Variants in COL4A6 observed in about 807,000 individuals in gnomAD.
The protein encoded by COL4A6 is collagen alpha-6(IV) chain.
Under a neutral mutation model 126.7 loss-of-function variants are expected in COL4A6, and 59 were observed. That is an observed-to-expected ratio of 0.47 (90% CI 0.38 to 0.58). The LOEUF (loss-of-function observed/expected upper bound fraction) is 0.58. Ranked by LOEUF, COL4A6 falls within the 20% of genes least tolerant of loss-of-function variation. The pLI, the probability that COL4A6 is intolerant of heterozygous loss-of-function variation, is 0.00. For synonymous variants in COL4A6, 547 were observed against 496.6 expected, an observed-to-expected ratio of 1.10 and a Z score of -1.35; for missense variants, 1,285 against 1,337.3, an observed-to-expected ratio of 0.96 and a Z score of 0.61.
In COL4A6 at chrX:108,438,156, G is replaced by A. The variant is rs186400576; in HGVS notation, c.11+30C>T. 7.4e-5 allele frequency: 89 copies of A among 1,207,947 alleles called. 1 individual carries two copies. The highest frequency in any genetic ancestry group is 6.9e-4 in the Middle Eastern group (3 of 4,338). ...GCAAAGTAACCCGAAGTAAGAAAGA[G>A]GAGGGGAGCTCGGGGCAGCAACAGC... On this transcript the variant is annotated intron_variant, in intron 1 of 44. Coordinates refer to ENST00000334504, the MANE Select transcript of COL4A6 (RefSeq NM_033641.4).
intron 3 of COL4A6, chrX:108,267,936 C>G (rs929577442): frequency 8.9e-6 from 1 of 112,591 alleles, no homozygotes; most frequent in African/African-American, 3.2e-5. Context: ...TCTTTTTATA[C>G]TCATATTTCA....
intron 2 of COL4A6, among the ~76,000 whole-genome samples, chrX:108,368,979 G>A (rs908839092): frequency 5.4e-5 from 6 of 111,671 alleles, no homozygotes; most frequent in African/African-American, 2.0e-4. Context: ...AAACTTTTTT[G>A]TTTCAGAAGT....
At chrX:108,408,374 AAAGAAAGAAAGC>A (rs2041252665) in intron 2 of COL4A6, among the ~76,000 whole-genome samples, 1 of 111,191 alleles carries the variant, frequency 9.0e-6, no homozygotes, top group Admixed American at 9.6e-5. Flanking sequence ...AGAACGAAAG[AAAGAAAGAAAGC>A]AAGCTAAGTA....
intron 2 of COL4A6, among the ~76,000 whole-genome samples, chrX:108,409,500 A>C (rs2041283764): frequency 9.0e-6 from 1 of 111,692 alleles, no homozygotes; most frequent in African/African-American, 3.3e-5. Context: ...TTATTTTACC[A>C]GTACAAAAAT....
intron 23 of COL4A6, among the ~76,000 whole-genome samples, chrX:108,181,749 T>A (rs1424863928): frequency 8.9e-6 from 1 of 111,897 alleles, no homozygotes; most frequent in African/African-American, 3.3e-5. Context: ...ATAAAAAGAA[T>A]CTATAAGATC....
intron 3 of COL4A6, among the ~76,000 whole-genome samples, chrX:108,244,869 C>G (rs915805687): frequency 8.9e-6 from 1 of 111,829 alleles, no homozygotes; most frequent in Non-Finnish European, 1.9e-5. Context: ...CTAGGCTTGA[C>G]CCAAGGAAAA....
intron 5 of COL4A6, among the ~76,000 whole-genome samples, chrX:108,218,567 T>A (rs956850880): frequency 1.8e-5 from 2 of 112,263 alleles, no homozygotes; most frequent in African/African-American, 6.5e-5. Flanking sequence ...ATGAATCAGA[T>A]GATACTATCT....
intron 2 of COL4A6, among the ~76,000 whole-genome samples, chrX:108,402,327 T>C (rs2041105813): frequency 8.9e-6 from 1 of 111,818 alleles, no homozygotes; most frequent in South Asian, 3.6e-4. Flanking sequence ...TCTTATCATA[T>C]TTTCAATATC....
chrX:108,308,293 T>A (rs763806505), intron 3 of COL4A6, among the ~76,000 whole-genome samples: 43 of 111,720 alleles, frequency 3.8e-4, no homozygotes, highest in African/African-American at 1.4e-3. Context: ...CATGTTTGCC[T>A]GGTGTAGGAC....
chrX:108,165,547 C>G, intron 37 of COL4A6, 61 bp from the exon 38 acceptor site: 1 of 825,049 alleles, frequency 1.2e-6, no homozygotes, highest in Non-Finnish European at 1.7e-6. Context: ...TGGCCAGGCT[C>G]TTTCAGAGAA....
chrX:108,173,934 C>T (rs899202562), intron 31 of COL4A6, among the ~76,000 whole-genome samples: 1 of 112,479 alleles, frequency 8.9e-6, no homozygotes, highest in African/African-American at 3.2e-5. Context: ...ACCTTTCTAG[C>T]AAAACGTCAA....
At chrX:108,336,042 T>C (rs969581604) in intron 2 of COL4A6, among the ~76,000 whole-genome samples, 35 of 111,886 alleles carry the variant, frequency 3.1e-4, no homozygotes, top group African/African-American at 1.0e-3. Flanking sequence ...AAAGCCCTTG[T>C]TTTTAAGTAA....
chrX:108,197,017 T>C (rs2035240514), intron 13 of COL4A6, among the ~76,000 whole-genome samples: 1 of 111,973 alleles, frequency 8.9e-6, no homozygotes, highest in African/African-American at 3.2e-5. Context: ...GACCCACAAA[T>C]GGAGGATTAT....
At chrX:108,363,732 C>CCTGCATTG (rs1340446176) in intron 2 of COL4A6, among the ~76,000 whole-genome samples, 4 of 112,005 alleles carry the variant, frequency 3.6e-5, no homozygotes, top group African/African-American at 1.3e-4. Context: ...GTTTGGATGA[C>CCTGCATTG]GTAATAACCT....
rs1324754382 is a variant in COL4A6 at position 108,287,407 on chromosome X, G to T, written c.144+23341C>A. Among the ~76,000 whole-genome samples, 3 of 110,573 alleles carry T rather than the reference G, an allele frequency of 2.7e-5. No homozygotes were observed. In the Admixed American group the frequency reaches 2.9e-4, roughly 11 times the overall value. On this transcript the variant is annotated intron_variant, in intron 3 of 44. Coordinates refer to ENST00000334504, the MANE Select transcript of COL4A6 (RefSeq NM_033641.4). ...GTTTCTGTAAATACTCCTTGGCTTT[G>T]CTCTGTGACACAGTTAACTTACTTG...
At chrX:108,273,997 C>T (rs372008668) in intron 3 of COL4A6, among the ~76,000 whole-genome samples, 1 of 112,065 alleles carries the variant, frequency 8.9e-6, no homozygotes, top group South Asian at 3.7e-4. Flanking sequence ...AACTTAGCAG[C>T]TTAAAACAAC....
chrX:108,319,859 T>G (rs2038982110), intron 2 of COL4A6, among the ~76,000 whole-genome samples: 1 of 111,780 alleles, frequency 8.9e-6, no homozygotes, highest in Admixed American at 9.5e-5. Context: ...TGAAATATAT[T>G]AGTAGTTTGA....
At chrX:108,306,229 A>G (rs1335292844) in intron 3 of COL4A6, among the ~76,000 whole-genome samples, 1 of 112,508 alleles carries the variant, frequency 8.9e-6, no homozygotes. Context: ...TGGATTTGGC[A>G]ACAAGTAAGT....
At position 108,434,765 on chromosome X, in the gene COL4A6, G is replaced by GAT. The variant is rs752381684; in HGVS notation, c.63+3175_63+3176dup. 7.6e-3 allele frequency among the ~76,000 whole-genome samples: 778 copies of GAT among 102,418 alleles called. 1 individual carries two copies. The highest frequency in any genetic ancestry group is 0.022 in the African/African-American group (613 of 28,422). The allele number at this position is 102,418 out of a possible 115,157, so 88.9% of individuals were successfully genotyped here. ...CTATCAGTATCCTTAGTCATCCCAA[G>GAT]ATATATATATATATATATTATATAT... On this transcript the variant is annotated intron_variant, in intron 2 of 44. Coordinates refer to ENST00000334504, the MANE Select transcript of COL4A6 (RefSeq NM_033641.4).
Sources: gnomAD v4.1 joint callset for allele counts (sites outside exome capture counted in the v4.1 genomes callset) on GRCh38, gnomAD v4.1.1 for gene constraint, MANE v1.5 for transcripts, NCBI Gene and HGNC (gene_info 2026-07-23, HGNC 2026-07-21) for gene names.